The following SEC13 variants were observed in gnomAD, a reference collection of about 807,000 sequenced individuals.
SEC13 encodes the protein SEC13 homolog, nuclear pore and COPII component.
Under a neutral mutation model 49.2 loss-of-function variants are expected in SEC13, and 25 were observed. The ratio of observed to expected loss-of-function variants is 0.51; its 90% CI spans 0.37 to 0.71. SEC13 has a LOEUF of 0.71. Ranked by LOEUF, SEC13 falls within the 30% of genes least tolerant of loss-of-function variation. The pLI, the probability that SEC13 is intolerant of heterozygous loss-of-function variation, is 0.00. For synonymous variants in SEC13, 148 were observed against 163.9 expected, an observed-to-expected ratio of 0.90 and a Z score of 0.74; for missense variants, 383 against 417.6, an observed-to-expected ratio of 0.92 and a Z score of 0.72.
chr3:10,309,878 C>T (rs555793114), intron 5 of SEC13, among the ~76,000 whole-genome samples: 2 of 152,308 alleles, frequency 1.3e-5, no homozygotes, highest in African/African-American at 4.8e-5. Context: ...TGTTAAAAAA[C>T]GTGGGAGATG....
At chr3:10,320,356 T>C (rs2059754753) in intron 1 of SEC13, among the ~76,000 whole-genome samples, 1 of 152,198 alleles carries the variant, frequency 6.6e-6, no homozygotes, top group Non-Finnish European at 1.5e-5. Context: ...GATACTTCCA[T>C]TCTTTAGTTC....
Position 10,315,454 on chromosome 3 carries a change from C to A in SEC13, c.49-18G>T. 1.3e-6 allele frequency: 1 copy of A among 749,188 alleles called. No homozygotes were observed. The highest frequency in any genetic ancestry group is 3.0e-5 in the Admixed American group (1 of 33,314). The allele number at this position is 749,188 out of a possible 1,614,324, so 46.4% of individuals were successfully genotyped here. On this transcript the variant is annotated intron_variant, in intron 2 of 8. Transcript: ENST00000350697. ...GCGTCGTGCTGCAAAGGGAGGACAG[C>A]TCGGGAAGCCTGCAGGCTGGGTGGG...
chr3:10,312,950 A>G, intron 3 of SEC13: 1 of 502,686 alleles, frequency 2.0e-6, no homozygotes, highest in Non-Finnish European at 3.5e-6. Flanking sequence ...AGCCTTTGAG[A>G]GAGAGTTGAG....
intron 5 of SEC13, among the ~76,000 whole-genome samples, chr3:10,308,449 A>G (rs1426006308): frequency 6.6e-6 from 1 of 152,198 alleles, no homozygotes; most frequent in Non-Finnish European, 1.5e-5. Flanking sequence ...AAGTATGGAT[A>G]TATCACAACT....
intron 1 of SEC13, 146 bp downstream of exon 1, chr3:10,320,904 G>C: frequency 6.9e-7 from 1 of 1,457,028 alleles, no homozygotes; most frequent in South Asian, 1.5e-5. Context: ...CCGCAAGGAC[G>C]GGGCCAGAGC....
chr3:10,301,257 CTT>C lies in SEC13; in HGVS notation c.*2_*3del, dbSNP rs1700487441. The C allele has an allele frequency of 6.2e-7, 1 of 1,614,190 alleles. No homozygotes were observed. Among genetic ancestry groups the C allele is most frequent in the African/African-American group, 1.3e-5 (1 of 75,050 alleles). On this transcript the variant is annotated 3_prime_UTR_variant, in exon 9 of 9. Coordinates refer to ENST00000350697, the MANE Select transcript of SEC13 (RefSeq NM_183352.3). ...GGGTGGGGAGCCAGGCCCCACCTGTCTTGTCACTGCTCGTTCTGCTGGCCCTC... is the reference window on the plus strand; with the variant it reads ...GGGTGGGGAGCCAGGCCCCACCTGTCGTCACTGCTCGTTCTGCTGGCCCTC...
intron 3 of SEC13, chr3:10,313,509 A>T: frequency 2.0e-6 from 1 of 509,756 alleles, no homozygotes; most frequent in South Asian, 1.4e-5. Context: ...GAAAGAAAAA[A>T]GCCACTCAAT....
chr3:10,315,806 G>C (rs973249593), intron 2 of SEC13, among the ~76,000 whole-genome samples: 3 of 152,184 alleles, frequency 2.0e-5, no homozygotes, highest in Non-Finnish European at 2.9e-5. Context: ...GTGGGCTAAA[G>C]GGGAATACCC....
intron 2 of SEC13, 61 bp from the exon 3 acceptor site, chr3:10,315,497 G>A: frequency 2.7e-6 from 2 of 736,554 alleles, no homozygotes; most frequent in East Asian, 2.7e-5. Context: ...GTGGGGTGAG[G>A]GCTGTCACTA....
chr3:10,310,607 A>C (rs537211785), intron 5 of SEC13, among the ~76,000 whole-genome samples: 1 of 152,302 alleles, frequency 6.6e-6, no homozygotes, highest in East Asian at 1.9e-4. Flanking sequence ...AGAAATTAGA[A>C]CCCTCATACA....
At chr3:10,304,245 C>A in intron 7 of SEC13, 73 bp from the exon 8 acceptor site, 2 of 1,507,144 alleles carry the variant, frequency 1.3e-6, no homozygotes, top group Non-Finnish European at 1.8e-6. Context: ...TCCTCCCAGT[C>A]TAGAGCCACC....
Position 10,301,034 on chromosome 3 carries a change from C to T in SEC13, c.*227G>A. 1.5e-5 allele frequency: 23 copies of T among 1,562,656 alleles called. No individual in the cohort carries two copies. The highest frequency in any genetic ancestry group is 1.8e-5 in the Non-Finnish European group (20 of 1,142,726). On this transcript the variant is annotated 3_prime_UTR_variant, in exon 9 of 9. Transcript: ENST00000350697. ...AATGACCCAAAATAGATTTGAACAT[C>T]ACTTGTAGTTTCTTCCTCGTAACAT...
At chr3:10,302,618 C>G (rs1464911969) in intron 8 of SEC13, among the ~76,000 whole-genome samples, 1 of 152,140 alleles carries the variant, frequency 6.6e-6, no homozygotes, top group Non-Finnish European at 1.5e-5. Flanking sequence ...GACTCTGGCA[C>G]TCACTAGAAA....
chr3:10,301,578 C>T (rs1164502064), intron 8 of SEC13, among the ~76,000 whole-genome samples: 1 of 152,204 alleles, frequency 6.6e-6, no homozygotes, highest in African/African-American at 2.4e-5. Flanking sequence ...ATAACAGCAG[C>T]TGTGGATGAT....
intron 5 of SEC13, chr3:10,311,568 T>C (rs1701256967): frequency 1.1e-6 from 1 of 886,398 alleles, no homozygotes; most frequent in Non-Finnish European, 1.4e-6. Context: ...GGGTAAAGAA[T>C]GACCTTGTTT....
rs1700494632 is a variant in SEC13 at position 10,301,331 on chromosome 3, A to C, written c.899T>G (p.Ile300Ser). The stretch of plus-strand genomic sequence containing the variant: ...GCCCTGGCCCTTGTTGACATCACTG[A>C]TGCACACCCACTGCCCATCAACTGA... ...KESVDGQWVC[I>S]SDVNKGQGSV... is the part of the protein sequence containing the mutation. The change falls in exon 9 of 9, where the codon ATC (isoleucine) becomes AGC (serine). Residue 300 changes from isoleucine to serine, a missense_variant. By Grantham distance (142) the Ile-to-Ser change is moderately radical. Transcript: ENST00000350697. The C allele has an allele frequency of 6.2e-7, 1 of 1,613,972 alleles. No homozygotes were observed. The highest frequency in any genetic ancestry group is 1.3e-5 in the African/African-American group (1 of 74,884).
chr3:10,317,899 C>A, intron 2 of SEC13, 151 bp downstream of exon 2: 1 of 588,192 alleles, frequency 1.7e-6, no homozygotes, highest in Non-Finnish European at 3.1e-6. Context: ...CTGCCATACC[C>A]CGAGATTACA....
chr3:10,321,068 T>C lies in SEC13; in HGVS notation c.-16A>G. On this transcript the variant is annotated 5_prime_UTR_variant, in exon 1 of 9. Coordinates refer to ENST00000350697, the MANE Select transcript of SEC13 (RefSeq NM_183352.3). This position sits in a 1 kb window ranked among gnomAD's most constrained non-coding sequence, Gnocchi z 4.1. ...CACTCACCATGATTGCGGCGGTGGC[T>C]GCTCCAGGTCTCGGACGTGGCAGCT... The C allele has an allele frequency of 6.2e-7, 1 of 1,613,062 alleles. No homozygotes were observed. Among genetic ancestry groups the C allele is most frequent in the Non-Finnish European group, 8.5e-7 (1 of 1,179,624 alleles).
rs747952517 is a variant in SEC13, at chr3:10,315,354, T to C, written c.131A>G (p.Asn44Ser). ...GTCGGCGATAAGGATCTGCCCTCCA[T>C]TGCGCACATCAAAGATTTTGACGGA... Reference protein sequence around the residue: ...DRSVKIFDVRNGGQILIADLR... With the variant: ...DRSVKIFDVRSGGQILIADLR... The change falls in exon 3 of 9, where the codon AAT (asparagine) becomes AGT (serine). Residue 44 changes from asparagine (N) to serine (S), a missense_variant. Transcript: ENST00000350697. 11 of 1,613,766 alleles carry C rather than the reference T, an allele frequency of 6.8e-6. No individual in the cohort carries two copies. The highest frequency in any genetic ancestry group is 4.4e-5 in the South Asian group (4 of 91,072).
Sources: gnomAD v4.1 joint callset for allele counts (sites outside exome capture counted in the v4.1 genomes callset) on GRCh38, gnomAD v4.1.1 for gene constraint, Gnocchi (gnomAD v3.1) non-coding constraint, MANE v1.5 for transcripts, NCBI Gene and HGNC (gene_info 2026-07-23, HGNC 2026-07-21) for gene names.